Variants in ARL8B observed in about 807,000 individuals in gnomAD.
ARL8B encodes ARF like GTPase 8B.
ARL8B carries 9 observed loss-of-function variants against 30.6 expected under a neutral mutation model. The ratio of observed to expected loss-of-function variants is 0.29; its 90% CI spans 0.18 to 0.51. ARL8B has a LOEUF of 0.51. ARL8B is among the 20% of genes least tolerant of loss of function. The pLI is 0.97. For synonymous variants in ARL8B, 74 were observed against 76.0 expected, an observed-to-expected ratio of 0.97 and a Z score of 0.14; for missense variants, 130 against 227.2, an observed-to-expected ratio of 0.57 and a Z score of 2.75.
intron 1 of ARL8B, among the ~76,000 whole-genome samples, chr3:5,167,914 T>C (rs943145225): frequency 1.5e-4 from 23 of 152,300 alleles, no homozygotes; most frequent in African/African-American, 5.1e-4. Flanking sequence ...CAACACAAGC[T>C]TTGAAAAGTG....
Position 5,122,396 on chromosome 3 carries a change from C to G in ARL8B, c.-70C>G, listed in dbSNP as rs752634076. On this transcript the variant is annotated 5_prime_UTR_variant, in exon 1 of 7. Transcript: ENST00000256496. ...CCGTTGGAGGGTCCGGGCGGAGGCC[C>G]GCTCGTGTGGAAGTCGTCGACGCCG... 2.5e-6 allele frequency: 4 copies of G among 1,603,292 alleles called. No homozygotes were observed. The African/African-American group carries it at 4.0e-5, about 16-fold the overall frequency.
chr3:5,160,818 C>T (rs1441649097), intron 1 of ARL8B, among the ~76,000 whole-genome samples: 1 of 152,174 alleles, frequency 6.6e-6, no homozygotes, highest in Non-Finnish European at 1.5e-5. Flanking sequence ...CACTGAGTTT[C>T]GTTGTTCCCA....
chr3:5,147,420 G>C lies in ARL8B; in HGVS notation c.124-23083G>C, dbSNP rs1257892147. On this transcript the variant is annotated intron_variant, in intron 1 of 6. Transcript: ENST00000256496. ...CATTCTATCATTGTTGGACATTTGG[G>C]TTGGTTCCAAGTCTTTGCTATTGGG... is the stretch of plus-strand genomic sequence containing the variant. 2.6e-5 allele frequency among the ~76,000 whole-genome samples: 4 copies of C among 152,058 alleles called. No individual in the cohort carries two copies. The East Asian group carries it at 7.7e-4, about 29-fold the overall frequency.
At chr3:5,128,514 A>T (rs1250754639) in intron 1 of ARL8B, 1 of 445,454 alleles carries the variant, frequency 2.2e-6, no homozygotes. Flanking sequence ...GAGTGCAATA[A>T]TGCATTCTAA....
chr3:5,172,047 G>T, intron 2 of ARL8B, 103 bp from the exon 3 acceptor site: 1 of 1,141,530 alleles, frequency 8.8e-7, no homozygotes. Flanking sequence ...TAACATTGTA[G>T]AAATAAATAT....
intron 1 of ARL8B, chr3:5,157,782 C>T (rs1174625943): frequency 6.6e-6 from 1 of 152,154 alleles, no homozygotes; most frequent in Non-Finnish European, 1.5e-5. Flanking sequence ...AAAGAGAAAT[C>T]TCCTCTTGGA....
intron 1 of ARL8B, among the ~76,000 whole-genome samples, chr3:5,146,516 C>T (rs2054420216): frequency 6.6e-6 from 1 of 152,148 alleles, no homozygotes; most frequent in Non-Finnish European, 1.5e-5. Context: ...ACTAGTTCTC[C>T]TGGTTGTTTT....
chr3:5,131,405 T>A (rs2054282427), intron 1 of ARL8B, among the ~76,000 whole-genome samples: 1 of 152,002 alleles, frequency 6.6e-6, no homozygotes, highest in African/African-American at 2.4e-5. Context: ...TTTTTTTTTT[T>A]TTTGAGACAG....
At chr3:5,157,158 A>G (rs900715535) in intron 1 of ARL8B, 8 of 152,290 alleles carry the variant, frequency 5.3e-5, no homozygotes, top group Admixed American at 3.3e-4. Context: ...TGCTGGTGCT[A>G]TTTGGGTCAT....
intron 6 of ARL8B, among the ~76,000 whole-genome samples, chr3:5,175,655 G>C (rs1038733198): frequency 6.6e-6 from 1 of 152,188 alleles, no homozygotes; most frequent in Non-Finnish European, 1.5e-5. Flanking sequence ...CAAAATTCTA[G>C]AGGCTGGAAG....
At chr3:5,155,534 T>A (rs2054524448) in intron 1 of ARL8B, among the ~76,000 whole-genome samples, 1 of 152,148 alleles carries the variant, frequency 6.6e-6, no homozygotes, top group Admixed American at 6.5e-5. Flanking sequence ...ACAGTGTGCA[T>A]GTTGGCTTTC....
intron 6 of ARL8B, among the ~76,000 whole-genome samples, chr3:5,178,350 C>CTTTTTTT (rs376669879): frequency 8.7e-6 from 1 of 115,288 alleles, no homozygotes; most frequent in African/African-American, 3.3e-5. Flanking sequence ...GGGGTTATTC[C>CTTTTTTT]TTTTTTTTTT....
Position 5,122,481 on chromosome 3 carries a change from T to A in ARL8B, c.16T>A (p.Ser6Thr). The stretch of plus-strand genomic sequence containing the variant: ...GGCCGCCATCATGCTGGCGCTCATC[T>A]CCCGCCTGCTGGACTGGTTCCGTTC... MLALI[S>T]RLLDWFRSLF... The change falls in exon 1 of 7, where the codon TCC becomes ACC. Residue 6 changes from serine (S) to threonine (T), a missense_variant. By Grantham distance (58) the Ser-to-Thr change is moderately conservative (BLOSUM62 1). Coordinates refer to ENST00000256496, the MANE Select transcript of ARL8B (RefSeq NM_018184.3). 1.9e-6 allele frequency: 3 copies of A among 1,613,466 alleles called. No homozygotes were observed. Among genetic ancestry groups the A allele is most frequent in the Non-Finnish European group, 1.7e-6 (2 of 1,179,740 alleles).
intron 1 of ARL8B, among the ~76,000 whole-genome samples, chr3:5,144,471 G>A (rs1179803554): frequency 2.0e-5 from 3 of 152,074 alleles, no homozygotes; most frequent in Non-Finnish European, 4.4e-5. Context: ...CCTATGTATT[G>A]TATTACACAG....
chr3:5,149,204 C>T (rs2054456775), intron 1 of ARL8B, among the ~76,000 whole-genome samples: 1 of 152,238 alleles, frequency 6.6e-6, no homozygotes, highest in Non-Finnish European at 1.5e-5. Context: ...CACAAGGTTG[C>T]CTGGTTGCTG....
chr3:5,139,444 G>C (rs1014432782), intron 1 of ARL8B, among the ~76,000 whole-genome samples: 1 of 152,200 alleles, frequency 6.6e-6, no homozygotes, highest in Non-Finnish European at 1.5e-5. Flanking sequence ...GAAAAGAGCT[G>C]ATAAGGGGTT....
intron 1 of ARL8B, chr3:5,157,998 T>A (rs1476535354): frequency 1.3e-5 from 2 of 151,998 alleles, no homozygotes; most frequent in Admixed American, 6.6e-5. Context: ...TATTTTGAGA[T>A]GGAATCTTGC....
intron 1 of ARL8B, among the ~76,000 whole-genome samples, chr3:5,132,114 A>T (rs13062913): frequency 6.6e-6 from 1 of 151,726 alleles, no homozygotes; most frequent in East Asian, 1.9e-4. Flanking sequence ...ATCTTGAACT[A>T]CTGGGCTCAA....
At chr3:5,150,602 G>A (rs1281373155) in intron 1 of ARL8B, among the ~76,000 whole-genome samples, 3 of 151,726 alleles carry the variant, frequency 2.0e-5, no homozygotes, top group East Asian at 3.9e-4. Flanking sequence ...GGCCAACATG[G>A]TGAAACCCTG....
Sources: gnomAD v4.1 joint callset for allele counts (sites outside exome capture counted in the v4.1 genomes callset) on GRCh38, gnomAD v4.1.1 for gene constraint, MANE v1.5 for transcripts, NCBI Gene and HGNC (gene_info 2026-07-23, HGNC 2026-07-21) for gene names.